CCDC171: variants seen among roughly 807,000 people sequenced by gnomAD.
CCDC171 encodes coiled-coil domain-containing protein 171.
Under a neutral mutation model 168.2 loss-of-function variants are expected in CCDC171, and 177 were observed. The ratio of observed to expected loss-of-function variants is 1.05; its 90% CI spans 0.93 to 1.19. The LOEUF (loss-of-function observed/expected upper bound fraction) is 1.19, where lower values mean the gene tolerates loss of function less well. Among genes scored for constraint, CCDC171 ranks in the 50% most tolerant of loss-of-function variants. CCDC171 has a pLI of 0.00. For missense variants in CCDC171, 1,991 were observed against 1,539.0 expected (o/e 1.29, Z -4.91); for synonymous variants, 687 against 540.8 (o/e 1.27, Z -3.75).
chr9:16,008,903 A>C (rs1296974257), intron 3 of CCDC171, among the ~76,000 whole-genome samples: 1 of 152,136 alleles, frequency 6.6e-6, no homozygotes, highest in Non-Finnish European at 1.5e-5. Context: ...TCTGGCCATC[A>C]TGTGAATTCC....
At position 15,594,147 on chromosome 9, in the gene CCDC171, G is replaced by A. The variant is rs1271956835; in HGVS notation, c.650G>A (p.Arg217Lys). 1 of 1,457,552 alleles carries A rather than the reference G, an allele frequency of 6.9e-7. No homozygotes were observed. The highest frequency in any genetic ancestry group is 1.2e-5 in the South Asian group (1 of 85,234). 90.3% of individuals were successfully genotyped at this position (1,457,552 alleles called of 1,614,324 possible). A position where few individuals can be genotyped will look rare whatever the true frequency, so the allele number is the denominator to read the frequency against. ...CAAGAAGAACAATGGGAAGCAGAAA[G>A]AAGAGAATTACAATTTATAGTACAG... is the stretch of plus-strand genomic sequence containing the variant. Reference protein sequence around the residue: ...RLQEEQWEAERRELQFIVQEQ... With the variant: ...RLQEEQWEAEKRELQFIVQEQ... The change falls in exon 6 of 26, where the codon AGA (arginine) becomes AAA (lysine). Residue 217 changes from arginine (R) to lysine (K), a missense_variant. Physicochemically the swap from Arg to Lys is conservative, Grantham distance 26. Transcript: ENST00000380701.
At chr9:15,692,248 C>T (rs994908139) in intron 10 of CCDC171, among the ~76,000 whole-genome samples, 1 of 151,934 alleles carries the variant, frequency 6.6e-6, no homozygotes, top group African/African-American at 2.4e-5. Flanking sequence ...TGGGCACACA[C>T]CTGTAGTCTC....
chr9:15,777,511 A>T, intron 18 of CCDC171, 89 bp from the exon 19 acceptor site: 1 of 695,506 alleles, frequency 1.4e-6, no homozygotes. Context: ...TATATAATTA[A>T]AAAATATTTT....
chr9:15,625,840 T>C (rs545350904), intron 7 of CCDC171, among the ~76,000 whole-genome samples: 1 of 152,332 alleles, frequency 6.6e-6, no homozygotes, highest in Non-Finnish European at 1.5e-5. Context: ...GTAGTTTTTT[T>C]CCAATTCTGT....
chr9:15,984,823 C>T (rs1265572903), intron 3 of CCDC171, among the ~76,000 whole-genome samples: 1 of 152,168 alleles, frequency 6.6e-6, no homozygotes, highest in African/African-American at 2.4e-5. Context: ...AGAAATGGGT[C>T]AATTCTTCTC....
chr9:15,957,595 A>G (rs1040686508), intron 25 of CCDC171, among the ~76,000 whole-genome samples: 1 of 152,218 alleles, frequency 6.6e-6, no homozygotes, highest in African/African-American at 2.4e-5. Context: ...TTTCTGCCCA[A>G]GCAGATAGAC....
intron 3 of CCDC171, among the ~76,000 whole-genome samples, chr9:16,007,430 A>C (rs929310071): frequency 3.9e-5 from 6 of 152,108 alleles, no homozygotes; most frequent in African/African-American, 1.4e-4. Context: ...GAAGCTCTTT[A>C]GTTTAATTAG....
chr9:15,931,761 A>AT (rs1462541627), intron 25 of CCDC171, among the ~76,000 whole-genome samples: 1 of 151,570 alleles, frequency 6.6e-6, no homozygotes, highest in African/African-American at 2.4e-5. Flanking sequence ...TGCATTTTAC[A>AT]TTTAAGTCTA....
chr9:16,090,333 G>A, the CCDC171 span, among the ~76,000 whole-genome samples: 2 of 152,026 alleles, frequency 1.3e-5, no homozygotes, highest in African/African-American at 2.4e-5. Flanking sequence ...GAAAAACACT[G>A]CATGTTCTCA....
At chr9:15,566,959 A>C (rs367602332) in intron 2 of CCDC171, among the ~76,000 whole-genome samples, 2 of 152,184 alleles carry the variant, frequency 1.3e-5, no homozygotes, top group East Asian at 3.9e-4. Context: ...TTCTGTTGAA[A>C]ATTACTTAAC....
intron 25 of CCDC171, among the ~76,000 whole-genome samples, chr9:15,934,162 G>C (rs1005655078): frequency 3.3e-5 from 5 of 151,840 alleles, no homozygotes; most frequent in Admixed American, 2.6e-4. Context: ...GGGAGGCTGA[G>C]GCAGGAGGAT....
chr9:15,642,341 GTGTATATATATATATATATATATATA>G (rs1225466786), intron 7 of CCDC171, among the ~76,000 whole-genome samples: 1 of 40,948 alleles, frequency 2.4e-5, no homozygotes, highest in African/African-American at 6.6e-5. Context: ...ACGTGTGTGT[GTGTATATATATATATATATATATATA>G]TATATATATA....
chr9:15,662,888 G>A (rs2048425834), intron 8 of CCDC171, among the ~76,000 whole-genome samples: 1 of 152,142 alleles, frequency 6.6e-6, no homozygotes, highest in Non-Finnish European at 1.5e-5. Context: ...GGCTGAGGCA[G>A]GGGAATCGCT....
intron 6 of CCDC171, among the ~76,000 whole-genome samples, chr9:15,608,180 A>G (rs1476028946): frequency 6.6e-6 from 1 of 152,234 alleles, no homozygotes; most frequent in African/African-American, 2.4e-5. Context: ...TCACAAGGGC[A>G]GAGCTGTCAT....
chr9:15,885,164 T>C (rs1404368989), intron 24 of CCDC171, among the ~76,000 whole-genome samples: 2 of 152,162 alleles, frequency 1.3e-5, no homozygotes, highest in Non-Finnish European at 2.9e-5. Context: ...ACTCAAGTGG[T>C]GACAGTATTT....
At chr9:15,755,903 A>G (rs2056080408) in intron 18 of CCDC171, among the ~76,000 whole-genome samples, 1 of 152,230 alleles carries the variant, frequency 6.6e-6, no homozygotes, top group South Asian at 2.1e-4. Flanking sequence ...CTCTGTGAGT[A>G]TACTACAAAA....
chr9:15,891,406 A>G (rs1162982202), intron 24 of CCDC171, among the ~76,000 whole-genome samples: 2 of 152,144 alleles, frequency 1.3e-5, no homozygotes, highest in Non-Finnish European at 2.9e-5. Context: ...CAATTTTTAT[A>G]TTGAACCCCA....
intron 21 of CCDC171, among the ~76,000 whole-genome samples, chr9:15,825,220 A>G (rs765717750): frequency 6.6e-6 from 1 of 152,114 alleles, no homozygotes; most frequent in Admixed American, 6.6e-5. Context: ...AGTCTCCTGC[A>G]TTAAAGACAC....
intron 24 of CCDC171, among the ~76,000 whole-genome samples, chr9:15,887,042 G>T (rs969078245): frequency 2.0e-5 from 3 of 152,060 alleles, no homozygotes; most frequent in Non-Finnish European, 4.4e-5. Context: ...ATAATCTCTG[G>T]AGATCATGGT....
Sources: allele counts gnomAD v4.1 joint callset (sites outside exome capture counted in the v4.1 genomes callset), GRCh38; gene constraint gnomAD v4.1.1; transcripts MANE v1.5; gene names NCBI Gene and HGNC (gene_info 2026-07-23, HGNC 2026-07-21).